SNX19: variants seen among roughly 807,000 people sequenced by gnomAD.
SNX19 encodes the protein sorting nexin 19, also known as sorting nexin-19.
In SNX19, 60 loss-of-function variants were observed where a neutral mutation model predicts 85.2. That is an observed-to-expected ratio of 0.70 (90% CI 0.57 to 0.87). The LOEUF (loss-of-function observed/expected upper bound fraction) is 0.87, where lower values mean the gene tolerates loss of function less well. Among genes scored for constraint, SNX19 ranks in the 40% least tolerant of loss-of-function variants. The pLI is 0.00. For missense variants in SNX19, 1,201 were observed against 1,217.8 expected, an observed-to-expected ratio of 0.99 and a Z score of 0.21; for synonymous variants, 520 against 470.0, an observed-to-expected ratio of 1.11 and a Z score of -1.38.
chr11:130,881,508 T>C (rs1326715151), intron 8 of SNX19, among the ~76,000 whole-genome samples: 3 of 152,232 alleles, frequency 2.0e-5, no homozygotes, highest in African/African-American at 7.2e-5. Context: ...GGAAGCATTA[T>C]AACCTTCTTG....
intron 8 of SNX19, among the ~76,000 whole-genome samples, chr11:130,885,412 C>G (rs766595042): frequency 6.6e-6 from 1 of 152,184 alleles, no homozygotes; most frequent in Non-Finnish European, 1.5e-5. Flanking sequence ...GATGGCACTT[C>G]AAGGTTAGTA....
chr11:130,913,814 G>A (rs1370513471), intron 1 of SNX19, among the ~76,000 whole-genome samples: 1 of 152,182 alleles, frequency 6.6e-6, no homozygotes, highest in Non-Finnish European at 1.5e-5. Context: ...AACATGAAGA[G>A]GGTTGGTTGG....
chr11:130,878,573 AAAC>A lies in SNX19; in HGVS notation c.2847-22_2847-20del. 1 of 1,611,246 alleles carries A rather than the reference AAAC, an allele frequency of 6.2e-7. No homozygotes were observed. Among genetic ancestry groups the A allele is most frequent in the Non-Finnish European group, 8.5e-7 (1 of 1,178,700 alleles). ...CAAATGCCTGAAACGAATGGACAAAAAACTTAGGGTCTGGCTCAATCAGGAAAC... is the reference window on the plus strand; with the variant it reads ...CAAATGCCTGAAACGAATGGACAAAATTAGGGTCTGGCTCAATCAGGAAAC... On this transcript the variant is annotated intron_variant, in intron 10 of 10. Transcript: ENST00000265909.
rs1943114712 is a variant in SNX19 at position 130,873,759 on chromosome 11, C to G, written c.*4663G>C. ...GCTCTCAGAAGATGTTAACTATTAG[C>G]TGGTACCAGGCATTTTGGGAGTAGA... On this transcript the variant is annotated 3_prime_UTR_variant, in exon 11 of 11. Coordinates refer to ENST00000265909, the MANE Select transcript of SNX19 (RefSeq NM_014758.3). Among the ~76,000 whole-genome samples the G allele has an allele frequency of 6.6e-6, 1 of 152,158 alleles. No individual in the cohort carries two copies. The highest frequency in any genetic ancestry group is 6.5e-5 in the Admixed American group (1 of 15,272).
chr11:130,915,479 AC>A lies in SNX19; in HGVS notation c.460del (p.Val154LeufsTer6). The A allele has an allele frequency of 1.2e-6, 2 of 1,614,178 alleles. No homozygotes were observed. The highest frequency in any genetic ancestry group is 1.7e-6 in the Non-Finnish European group (2 of 1,180,044). On this transcript the variant is annotated frameshift_variant, in exon 1 of 11. Transcript: ENST00000265909. LOFTEE classifies it high-confidence loss of function. ...GCAGAGAGTCAGAACACTCTGGGCA[AC>A]AGCATGACTGTCCATCACGCTCATC... is the stretch of plus-strand genomic sequence containing the variant. ...RRMSVMDSHA[V>X]AQSVLTLCGC...
At chr11:130,911,369 A>G in intron 2 of SNX19, 1 of 1,038,974 alleles carries the variant, frequency 9.6e-7, no homozygotes, top group Non-Finnish European at 1.2e-6. Flanking sequence ...ACTTACAGGC[A>G]CAGGTGGAAA....
chr11:130,879,896 A>T (rs1943539188), intron 9 of SNX19, among the ~76,000 whole-genome samples, 185 bp from the exon 10 acceptor site: 1 of 152,242 alleles, frequency 6.6e-6, no homozygotes, highest in Admixed American at 6.5e-5. Context: ...ATGTTTCTCA[A>T]GTTAGGTGTC....
chr11:130,891,259 C>A (rs1273869152), intron 8 of SNX19, among the ~76,000 whole-genome samples: 1 of 152,164 alleles, frequency 6.6e-6, no homozygotes, highest in Non-Finnish European at 1.5e-5. Context: ...GGCTAATACA[C>A]CAGCGATAGA....
chr11:130,899,779 G>A (rs764717862), intron 8 of SNX19, among the ~76,000 whole-genome samples: 22 of 152,326 alleles, frequency 1.4e-4, no homozygotes, highest in Non-Finnish European at 2.4e-4. Flanking sequence ...TTTTTCAAAA[G>A]TAACTAGCCG....
In SNX19 at chr11:130,911,723, C is replaced by A. The variant is rs1319200052; in HGVS notation, c.1723G>T (p.Ala575Ser). ...TAGCGACGATTCACAGTGTGGTAGG[C>A]CAGCTGCTGCAGGCCGCTGCTGTTT... The part of the protein sequence containing the change: ...GENSSGLQQL[A>S]YHTVNRRYRE... Residue 575 changes from alanine (A) to serine (S), a missense_variant, in exon 2 of 11, where the codon GCC (alanine) becomes TCC (serine). Around this residue, in one of 3 missense-constraint regions of SNX19, gnomAD observed 791 missense variants for 750.9 expected, o/e 1.05. Transcript: ENST00000265909. 6.2e-7 allele frequency: 1 copy of A among 1,614,192 alleles called. No individual in the cohort carries two copies. Among genetic ancestry groups the A allele is most frequent in the East Asian group, 2.2e-5 (1 of 44,884 alleles).
chr11:130,889,586 A>C (rs1944355420), intron 8 of SNX19, among the ~76,000 whole-genome samples: 1 of 152,146 alleles, frequency 6.6e-6, no homozygotes, highest in Admixed American at 6.5e-5. Context: ...ACAGCATGTA[A>C]AACAGTTTTT....
chr11:130,911,926 A>G (rs144143607), intron 1 of SNX19, among the ~76,000 whole-genome samples, 155 bp from the exon 2 acceptor site: 23 of 152,182 alleles, frequency 1.5e-4, no homozygotes, highest in African/African-American at 4.8e-4. Context: ...AGAACCTCCT[A>G]TATCTAATTG....
chr11:130,906,458 C>A (rs79096350), intron 6 of SNX19, among the ~76,000 whole-genome samples, 167 bp downstream of exon 6: 9,647 of 152,246 alleles, frequency 0.063, 941 homozygotes, highest in African/African-American at 0.21. Flanking sequence ...GTAGGAATTC[C>A]AAACCACTTA....
intron 4 of SNX19, among the ~76,000 whole-genome samples, chr11:130,908,512 A>T (rs771386043): frequency 2.0e-5 from 3 of 152,264 alleles, no homozygotes; most frequent in Non-Finnish European, 4.4e-5. Flanking sequence ...AAAGTGAAGA[A>T]GATGATCAAA....
intron 7 of SNX19, among the ~76,000 whole-genome samples, chr11:130,904,683 G>T (rs1945517551): frequency 7.4e-6 from 1 of 135,574 alleles, no homozygotes; most frequent in Non-Finnish European, 1.6e-5. Flanking sequence ...TTGCCTTAAA[G>T]AAAATGGTAG....
At chr11:130,904,846 GC>G (rs1945535459) in intron 7 of SNX19, among the ~76,000 whole-genome samples, 1 of 152,018 alleles carries the variant, frequency 6.6e-6, no homozygotes, top group Non-Finnish European at 1.5e-5. Context: ...CACTGACCCT[GC>G]CCCCCACCAT....
chr11:130,915,699 G>A lies in SNX19; in HGVS notation c.241C>T (p.Arg81Cys), dbSNP rs1565560727. The change falls in exon 1 of 11, where the codon CGC (arginine) becomes TGC (cysteine). Residue 81 changes from arginine to cysteine, a missense_variant. Physicochemically the swap from Arg to Cys is radical, Grantham distance 180. Around this residue, in one of 3 missense-constraint regions of SNX19, gnomAD observed 791 missense variants for 750.9 expected, o/e 1.05. Transcript: ENST00000265909. ...GGACAGGTGGCCAACGGGATGAAGC[G>A]TTCCAGATGCAGTCGACCTGAAGCC... is the stretch of plus-strand genomic sequence containing the variant. ...GVASGRLHLE[R>C]FIPLATCPPC... The A allele has an allele frequency of 5.0e-6, 8 of 1,614,226 alleles. No individual in the cohort carries two copies. The highest frequency in any genetic ancestry group is 5.9e-6 in the Non-Finnish European group (7 of 1,180,046).
chr11:130,914,843 A>C lies in SNX19; in HGVS notation c.1097T>G (p.Phe366Cys). 5.6e-6 allele frequency: 9 copies of C among 1,614,208 alleles called. No individual in the cohort carries two copies. The highest frequency in any genetic ancestry group is 7.6e-6 in the Non-Finnish European group (9 of 1,180,028). Reference protein sequence around the residue: ...FLQPNVRGPLFLCEDSELESP... With the variant: ...FLQPNVRGPLCLCEDSELESP... ...CTCCAGCTCTGAGTCTTCACATAAG[A>C]ACAGGGGACCTCGAACATTTGGCTG... is the stretch of plus-strand genomic sequence containing the variant. Residue 366 changes from phenylalanine to cysteine, a missense_variant, in exon 1 of 11, where the codon TTC becomes TGC. Transcript: ENST00000265909.
chr11:130,884,732 C>T lies in SNX19; in HGVS notation c.2574-3926G>A, dbSNP rs571231015. On this transcript the variant is annotated intron_variant, in intron 8 of 10. Coordinates refer to ENST00000265909, the MANE Select transcript of SNX19 (RefSeq NM_014758.3). ...AAATACAAAAAAAATTAGCTGGGCA[C>T]GGTGGCGCACGCCTGTAGTCTCCAG... Among the ~76,000 whole-genome samples the T allele has an allele frequency of 9.1e-4, 138 of 151,744 alleles. 1 individual carries two copies. The highest frequency in any genetic ancestry group is 3.2e-3 in the African/African-American group (134 of 41,370).
Sources: gnomAD v4.1 joint callset for allele counts (sites outside exome capture counted in the v4.1 genomes callset) on GRCh38, gnomAD v4.1.1 for gene constraint, gnomAD v4.1.1 regional missense constraint, MANE v1.5 for transcripts, NCBI Gene and HGNC (gene_info 2026-07-23, HGNC 2026-07-21) for gene names.